Variants in DPP6 observed in about 807,000 individuals in gnomAD.
The protein encoded by DPP6 is dipeptidyl peptidase like 6, also known as A-type potassium channel modulatory protein DPP6.
DPP6 carries 69 observed loss-of-function variants against 122.6 expected under a neutral mutation model. That is an observed-to-expected ratio of 0.56 (90% confidence interval 0.46 to 0.69). DPP6 has a LOEUF of 0.69. DPP6 is among the 30% of genes least tolerant of loss of function. The pLI is 0.00. For synonymous variants in DPP6, 418 were observed against 433.1 expected (o/e 0.97, Z 0.43); for missense variants, 928 against 1,116.9 (o/e 0.83, Z 2.41).
At chr7:154,794,041 T>A (rs1376319665) in intron 10 of DPP6, 38 bp from the exon 11 acceptor site, 1 of 1,597,560 alleles carries the variant, frequency 6.3e-7, no homozygotes, top group African/African-American at 1.3e-5. Context: ...CGTGCGGGGG[T>A]CCTGCCAAGC....
chr7:154,077,891 G>A (rs1432439155), intron 1 of DPP6, among the ~76,000 whole-genome samples: 4 of 151,954 alleles, frequency 2.6e-5, no homozygotes, highest in Non-Finnish European at 4.4e-5. Flanking sequence ...GGATGGTCTC[G>A]ATCTCTTGAC....
intron 1 of DPP6, among the ~76,000 whole-genome samples, chr7:154,323,361 G>A (rs570342820): frequency 3.3e-5 from 5 of 151,366 alleles, no homozygotes; most frequent in African/African-American, 7.3e-5. Flanking sequence ...TTGCACAAAA[G>A]GCTGTAAGAA....
chr7:154,667,623 T>C (rs1413644381), intron 6 of DPP6, among the ~76,000 whole-genome samples: 1 of 152,132 alleles, frequency 6.6e-6, no homozygotes, highest in East Asian at 1.9e-4. Context: ...CTTGGGAGGC[T>C]GAGGCAGGAG....
chr7:154,629,074 A>G (rs1187554364), intron 5 of DPP6, among the ~76,000 whole-genome samples: 2 of 152,210 alleles, frequency 1.3e-5, no homozygotes, highest in East Asian at 3.9e-4. Context: ...TGTCTGTCAC[A>G]GTCCACAAAA....
At position 154,241,185 on chromosome 7, in the gene DPP6, A is replaced by ATGCATGTG. The variant is rs34454400; in HGVS notation, c.243+188124_243+188125insCATGTGTG. The stretch of plus-strand genomic sequence containing the variant: ...GCACAGTAGGTAATTCAATATCAAT[A>ATGCATGTG]TGTGTGTGTGTGTGTGTGTGTGTGT... On this transcript the variant is annotated intron_variant, in intron 1 of 25. Coordinates refer to ENST00000377770, the MANE Select transcript of DPP6 (RefSeq NM_130797.4). The surrounding 1 kb of genome is among the most constrained non-coding windows in gnomAD (Gnocchi z 9.0). Among the ~76,000 whole-genome samples the ATGCATGTG allele has an allele frequency of 2.9e-5, 4 of 136,212 alleles. 1 individual carries two copies. The South Asian group carries it at 1.0e-3, about 35-fold the overall frequency. 89.4% of individuals were successfully genotyped at this position (136,212 alleles called of 152,430 possible). A position where few individuals can be genotyped will look rare whatever the true frequency, so the allele number is the denominator to read the frequency against.
intron 1 of DPP6, among the ~76,000 whole-genome samples, chr7:154,147,232 G>A (rs1266339428): frequency 0.019 from 2,915 of 150,862 alleles, no homozygotes; most frequent in African/African-American, 0.068. Flanking sequence ...GGGTCTCCAT[G>A]GTTCTCACTC....
intron 1 of DPP6, among the ~76,000 whole-genome samples, chr7:153,964,991 C>CATTT (rs1563055897): frequency 1.8e-3 from 100 of 57,102 alleles, no homozygotes; most frequent in Middle Eastern, 7.7e-3. Context: ...TTCCTTCCTT[C>CATTT]CTTCCTTTCT....
At chr7:154,174,021 T>A (rs1305854370) in intron 1 of DPP6, among the ~76,000 whole-genome samples, 2 of 152,192 alleles carry the variant, frequency 1.3e-5, no homozygotes. Flanking sequence ...GGGACCAGTT[T>A]CCCCCACGTG....
At chr7:154,535,722 A>C (rs2130179751) in intron 3 of DPP6, among the ~76,000 whole-genome samples, 1 of 152,316 alleles carries the variant, frequency 6.6e-6, no homozygotes, top group South Asian at 2.1e-4. Flanking sequence ...AAATTTTTCA[A>C]GATAGTTTGC....
chr7:154,196,628 T>G (rs1798881678), intron 1 of DPP6, among the ~76,000 whole-genome samples: 1 of 152,226 alleles, frequency 6.6e-6, no homozygotes, highest in Non-Finnish European at 1.5e-5. Flanking sequence ...TGGGGAGCAT[T>G]GCACTGCCTC....
chr7:153,798,093 C>T, the DPP6 span, among the ~76,000 whole-genome samples: 4 of 152,088 alleles, frequency 2.6e-5, no homozygotes, highest in African/African-American at 7.2e-5. Flanking sequence ...CCGCCCGCCT[C>T]GGCCTCCCAA....
intron 7 of DPP6, among the ~76,000 whole-genome samples, chr7:154,686,111 C>T (rs1334203371): frequency 1.3e-5 from 2 of 151,414 alleles, no homozygotes; most frequent in African/African-American, 2.4e-5. Flanking sequence ...CAGTGTATTA[C>T]TGTCTCTTTT....
chr7:154,300,016 G>T (rs1034211271), intron 1 of DPP6, among the ~76,000 whole-genome samples: 2 of 152,236 alleles, frequency 1.3e-5, no homozygotes, highest in Non-Finnish European at 2.9e-5. Context: ...AAGTGAAAAC[G>T]CCTCTCTTCA....
chr7:154,773,518 C>A (rs1485336134), intron 10 of DPP6, among the ~76,000 whole-genome samples: 1 of 151,806 alleles, frequency 6.6e-6, no homozygotes, highest in East Asian at 2.0e-4. Flanking sequence ...TTAGTATTTT[C>A]CCCAAATTCA....
At chr7:153,785,650 C>CT in the DPP6 span, among the ~76,000 whole-genome samples, 4 of 152,050 alleles carry the variant, frequency 2.6e-5, no homozygotes, top group African/African-American at 9.6e-5. Context: ...TATATATATA[C>CT]TTTTTTTTCT....
At chr7:154,681,824 C>G (rs1839298465) in intron 7 of DPP6, among the ~76,000 whole-genome samples, 2 of 152,172 alleles carry the variant, frequency 1.3e-5, no homozygotes, top group African/African-American at 4.8e-5. Flanking sequence ...ACTGTCAGTC[C>G]CACTTACTGT....
At chr7:154,855,028 G>A (rs1280232180) in intron 17 of DPP6, among the ~76,000 whole-genome samples, 2 of 151,944 alleles carry the variant, frequency 1.3e-5, no homozygotes, top group East Asian at 1.9e-4. Flanking sequence ...AGTGACCATC[G>A]AGCATCAGCG....
intron 1 of DPP6, among the ~76,000 whole-genome samples, chr7:153,951,482 C>T (rs1316332903): frequency 2.0e-5 from 3 of 152,208 alleles, no homozygotes; most frequent in East Asian, 3.9e-4. Flanking sequence ...ACTCTGTCAC[C>T]GAATGTGTCA....
chr7:154,758,901 T>C (rs533000062), intron 8 of DPP6, among the ~76,000 whole-genome samples: 1 of 152,278 alleles, frequency 6.6e-6, no homozygotes, highest in East Asian at 1.9e-4. Flanking sequence ...CACCGCCTGT[T>C]TGCGTCCTTC....
Sources: gnomAD v4.1 joint callset for allele counts (sites outside exome capture counted in the v4.1 genomes callset) on GRCh38, gnomAD v4.1.1 for gene constraint, Gnocchi (gnomAD v3.1) non-coding constraint, MANE v1.5 for transcripts, NCBI Gene and HGNC (gene_info 2026-07-23, HGNC 2026-07-21) for gene names.